The following TMEM164 variants were observed in gnomAD, a reference collection of about 807,000 sequenced individuals.
TMEM164 encodes RP13-360B22.2.
TMEM164 carries 4 observed loss-of-function variants against 18.8 expected under a neutral mutation model. That is an observed-to-expected ratio of 0.21 (90% CI 0.10 to 0.49). The LOEUF (loss-of-function observed/expected upper bound fraction) is 0.49, where lower values mean the gene tolerates loss of function less well. Among genes scored for constraint, TMEM164 ranks in the 20% least tolerant of loss-of-function variants. TMEM164 has a pLI of 0.98. For missense variants in TMEM164, 108 were observed against 239.9 expected, an observed-to-expected ratio of 0.45 and a Z score of 3.63; for synonymous variants, 86 against 101.7, an observed-to-expected ratio of 0.85 and a Z score of 0.93.
At chrX:110,047,604 A>G (rs750996803) in intron 2 of TMEM164, among the ~76,000 whole-genome samples, 33 of 112,304 alleles carry the variant, frequency 2.9e-4, no homozygotes, top group Admixed American at 9.4e-4. Flanking sequence ...GAGTCTGGCT[A>G]TATAGTCTCT....
At chrX:110,078,607 C>T (rs2065706426) in intron 3 of TMEM164, among the ~76,000 whole-genome samples, 1 of 111,469 alleles carries the variant, frequency 9.0e-6, no homozygotes, top group South Asian at 3.7e-4. Context: ...CACCTGAGGT[C>T]AGGAGTTCCA....
At chrX:110,057,683 A>G (rs1935910782) in intron 2 of TMEM164, among the ~76,000 whole-genome samples, 1 of 108,817 alleles carries the variant, frequency 9.2e-6, no homozygotes, top group African/African-American at 3.4e-5. Flanking sequence ...TATAATAGCC[A>G]TTCTGACAAG....
chrX:110,112,477 GC>G (rs1262753692), intron 4 of TMEM164, among the ~76,000 whole-genome samples: 1 of 111,502 alleles, frequency 9.0e-6, no homozygotes, highest in Non-Finnish European at 1.9e-5. Context: ...TTATGATCAT[GC>G]CATTGCACAC....
At chrX:110,154,806 G>A (rs1003036334) in intron 5 of TMEM164, among the ~76,000 whole-genome samples, 1 of 111,908 alleles carries the variant, frequency 8.9e-6, no homozygotes, top group African/African-American at 3.3e-5. Context: ...GATTCAGACA[G>A]ACTGTAGGTA....
At chrX:110,094,919 A>G (rs1305159304) in intron 3 of TMEM164, among the ~76,000 whole-genome samples, 1 of 111,462 alleles carries the variant, frequency 9.0e-6, no homozygotes, top group East Asian at 2.8e-4. Context: ...AAAGGATTTT[A>G]TTTCTCCTTC....
intron 5 of TMEM164, among the ~76,000 whole-genome samples, chrX:110,153,049 A>G (rs1384906312): frequency 9.0e-6 from 1 of 111,141 alleles, no homozygotes; most frequent in East Asian, 2.8e-4. Context: ...ATTTTATCCA[A>G]TTTTCATGCC....
chrX:110,098,380 A>T (rs1259351595), intron 3 of TMEM164, among the ~76,000 whole-genome samples: 4 of 111,931 alleles, frequency 3.6e-5, no homozygotes, highest in African/African-American at 1.3e-4. Context: ...ATTGGTGTAG[A>T]GGGTTCCATG....
intron 5 of TMEM164, among the ~76,000 whole-genome samples, chrX:110,148,157 C>T (rs1428850548): frequency 9.0e-6 from 1 of 111,007 alleles, no homozygotes. Context: ...GCCAGCTCCT[C>T]CACACATTGC....
chrX:110,017,408 T>TCC (rs1193396401), intron 2 of TMEM164, among the ~76,000 whole-genome samples: 73 of 37,570 alleles, frequency 1.9e-3, no homozygotes, highest in African/African-American at 7.5e-3. Flanking sequence ...CCTCCTTCCT[T>TCC]TCTTTCTTTC....
chrX:110,130,933 A>G (rs2066603979), intron 4 of TMEM164, among the ~76,000 whole-genome samples: 1 of 112,106 alleles, frequency 8.9e-6, no homozygotes, highest in Non-Finnish European at 1.9e-5. Flanking sequence ...AGAGAAGAGA[A>G]GAAAGAAAGA....
chrX:110,131,653 C>G (rs1417556142), intron 4 of TMEM164, among the ~76,000 whole-genome samples: 1 of 111,433 alleles, frequency 9.0e-6, no homozygotes, highest in Non-Finnish European at 1.9e-5. Flanking sequence ...TTTCTTTTGA[C>G]TTGCAGCTGC....
chrX:110,084,474 A>ATAG (rs1569321127), intron 3 of TMEM164, among the ~76,000 whole-genome samples: 4 of 60,457 alleles, frequency 6.6e-5, no homozygotes, highest in African/African-American at 1.5e-4. Flanking sequence ...GTATATATAT[A>ATAG]TATAGAGAGA....
intron 2 of TMEM164, among the ~76,000 whole-genome samples, chrX:110,049,002 G>A (rs1935433474): frequency 8.9e-6 from 1 of 112,292 alleles, no homozygotes; most frequent in African/African-American, 3.2e-5. Flanking sequence ...CACTCTGCTA[G>A]TGTGTTAAAA....
At chrX:110,085,334 A>AG (rs1290249121) in intron 3 of TMEM164, among the ~76,000 whole-genome samples, 1 of 79,964 alleles carries the variant, frequency 1.3e-5, no homozygotes, top group African/African-American at 1.0e-4. Flanking sequence ...CTAATTAAAA[A>AG]AAATATATAT....
At chrX:110,081,423 A>G (rs2065755933) in intron 3 of TMEM164, among the ~76,000 whole-genome samples, 1 of 111,385 alleles carries the variant, frequency 9.0e-6, no homozygotes, top group Non-Finnish European at 1.9e-5. Context: ...TAATCCTTCT[A>G]ACAAAACTGT....
intron 2 of TMEM164, among the ~76,000 whole-genome samples, chrX:110,038,560 G>T (rs1934952098): frequency 9.0e-6 from 1 of 110,802 alleles, no homozygotes; most frequent in Admixed American, 9.5e-5. Context: ...TAAATCTCCT[G>T]GTGTCAGGAG....
intron 3 of TMEM164, among the ~76,000 whole-genome samples, chrX:110,094,788 A>G (rs1012938124): frequency 3.6e-5 from 4 of 111,866 alleles, no homozygotes; most frequent in Non-Finnish European, 7.5e-5. Context: ...GGTCTTTACA[A>G]TTTGGTATGT....
intron 5 of TMEM164, among the ~76,000 whole-genome samples, chrX:110,167,082 C>T (rs2067167974): frequency 8.9e-6 from 1 of 112,227 alleles, no homozygotes; most frequent in African/African-American, 3.2e-5. Flanking sequence ...GAGAAGATCA[C>T]CTCTTTAGAA....
intron 2 of TMEM164, among the ~76,000 whole-genome samples, chrX:110,014,702 G>A (rs1933209210): frequency 9.3e-6 from 1 of 107,212 alleles, no homozygotes; most frequent in Non-Finnish European, 1.9e-5. Context: ...GGGGAATGGG[G>A]TGGGCATAGA....
Sources: gnomAD v4.1 joint callset for allele counts (sites outside exome capture counted in the v4.1 genomes callset) on GRCh38, gnomAD v4.1.1 for gene constraint, MANE v1.5 for transcripts, NCBI Gene and HGNC (gene_info 2026-07-23, HGNC 2026-07-21) for gene names.